The following SMG6 variants were observed in gnomAD, a reference collection of about 807,000 sequenced individuals.
SMG6 encodes SMG6 nonsense mediated mRNA decay factor.
A neutral mutation model predicts 142.2 loss-of-function variants in SMG6; 66 were observed. The observed-to-expected ratio is 0.46, with a 90% CI of 0.38 to 0.57. The LOEUF is 0.57. SMG6 is among the 20% of genes least tolerant of loss of function. The pLI, the probability that SMG6 is intolerant of heterozygous loss-of-function variation, is 0.00. For synonymous variants in SMG6, 779 were observed against 702.4 expected (o/e 1.11, Z -1.72); for missense variants, 1,793 against 1,832.0 (o/e 0.98, Z 0.39).
At chr17:2,148,680 A>G (rs959301914) in intron 13 of SMG6, among the ~76,000 whole-genome samples, 13 of 151,996 alleles carry the variant, frequency 8.6e-5, no homozygotes, top group African/African-American at 3.1e-4. Flanking sequence ...ACAACATGCC[A>G]AGACTCCGTC....
In SMG6 at chr17:2,283,630, G is replaced by A. The variant is rs747600622; in HGVS notation, c.2443C>T (p.Arg815Trp). The A allele has an allele frequency of 2.0e-5, 32 of 1,613,264 alleles. No individual in the cohort carries two copies. Among genetic ancestry groups the A allele is most frequent in the East Asian group, 4.5e-5 (2 of 44,878 alleles). Residue 815 changes from arginine (R) to tryptophan (W), a missense_variant, in exon 7 of 19, where the codon CGG (arginine) becomes TGG (tryptophan). Arg to Trp is a moderately radical substitution (Grantham distance 101, BLOSUM62 -3). This residue lies in a region of SMG6 where 1,597 missense variants were observed against 1,584.6 expected (regional missense o/e 1.01). Coordinates refer to ENST00000263073, the MANE Select transcript of SMG6 (RefSeq NM_017575.5). ...SLMSLFEETK[R>W]KAEQMEKKQH... Reference sequence around the variant, plus strand: ...TCTGCCACATCCCCACTCACCTTCCGCTTGGTCTCTTCAAACAAGCTCATG... The same window carrying A: ...TCTGCCACATCCCCACTCACCTTCCACTTGGTCTCTTCAAACAAGCTCATG...
chr17:2,187,369 T>A (rs2072021936), intron 11 of SMG6, among the ~76,000 whole-genome samples: 1 of 152,306 alleles, frequency 6.6e-6, no homozygotes, highest in South Asian at 2.1e-4. Context: ...AACAACTTTT[T>A]TTTCCCCTTG....
At chr17:2,096,900 A>G (rs1420720245) in intron 13 of SMG6, among the ~76,000 whole-genome samples, 1 of 152,148 alleles carries the variant, frequency 6.6e-6, no homozygotes, top group Non-Finnish European at 1.5e-5. Flanking sequence ...CTAGGCCTAC[A>G]CTTCATTCAT....
chr17:2,193,604 A>T (rs2072231247), intron 10 of SMG6, among the ~76,000 whole-genome samples: 2 of 152,196 alleles, frequency 1.3e-5, no homozygotes, highest in African/African-American at 4.8e-5. Flanking sequence ...ATTAATTCCG[A>T]AAACACTTGA....
intron 13 of SMG6, among the ~76,000 whole-genome samples, chr17:2,171,642 G>A (rs922597056): frequency 1.3e-5 from 2 of 151,912 alleles, no homozygotes; most frequent in Non-Finnish European, 1.5e-5. Context: ...TCAAAGTGCT[G>A]GGATTAAAGG....
At chr17:2,149,576 C>G (rs113032410) in intron 13 of SMG6, among the ~76,000 whole-genome samples, 11 of 152,256 alleles carry the variant, frequency 7.2e-5, no homozygotes, top group African/African-American at 2.4e-4. Context: ...AGGGCTGTCC[C>G]GTGACCCCCA....
chr17:2,269,891 T>TA (rs2074509241), intron 8 of SMG6, among the ~76,000 whole-genome samples: 1 of 152,140 alleles, frequency 6.6e-6, no homozygotes. Context: ...AGGCCAGGCA[T>TA]GGTGGCTCAC....
At chr17:2,283,824 T>G in intron 6 of SMG6, 89 bp from the exon 7 acceptor site, 1 of 910,332 alleles carries the variant, frequency 1.1e-6, no homozygotes, top group Non-Finnish European at 1.8e-6. Context: ...CTACTATCTC[T>G]CCCAGCCTGT....
At chr17:2,201,582 C>T (rs1367202562) in intron 10 of SMG6, among the ~76,000 whole-genome samples, 3 of 149,528 alleles carry the variant, frequency 2.0e-5, no homozygotes, top group South Asian at 2.1e-4. Flanking sequence ...ATGCCAACTA[C>T]GCAGGAGAAT....
At chr17:2,111,690 T>C (rs3760231) in intron 13 of SMG6, among the ~76,000 whole-genome samples, 47,090 of 152,056 alleles carry the variant, frequency 0.31, 8,966 homozygotes, top group African/African-American at 0.54. Context: ...AGGCATGAGC[T>C]ACTGTGCCTG....
At position 2,085,249 on chromosome 17, in the gene SMG6, C is replaced by A. The variant is rs1050424974; in HGVS notation, c.3534+476G>T. 5.4e-4 allele frequency among the ~76,000 whole-genome samples: 79 copies of A among 144,968 alleles called. 1 individual carries two copies. The highest frequency in any genetic ancestry group is 2.5e-4 in the Non-Finnish European group (17 of 67,168). ...CAAGAGGAGAATTCCTTAATCACATCAGGATGTGCAGGAGGGAGGGAGGGA... is the reference window on the plus strand; with the variant it reads ...CAAGAGGAGAATTCCTTAATCACATAAGGATGTGCAGGAGGGAGGGAGGGA... On this transcript the variant is annotated intron_variant, in intron 14 of 18. Coordinates refer to ENST00000263073, the MANE Select transcript of SMG6 (RefSeq NM_017575.5). The surrounding 1 kb of genome is among the most constrained non-coding windows in gnomAD (Gnocchi z 4.1).
chr17:2,126,175 A>G (rs960196271), intron 13 of SMG6, among the ~76,000 whole-genome samples: 2 of 152,192 alleles, frequency 1.3e-5, no homozygotes, highest in African/African-American at 2.4e-5. Context: ...AAGGGTGTCA[A>G]GACCAATTCC....
chr17:2,203,406 TG>T (rs1476622593), intron 10 of SMG6, among the ~76,000 whole-genome samples: 3 of 152,330 alleles, frequency 2.0e-5, no homozygotes, highest in East Asian at 3.9e-4. Flanking sequence ...GCATCTCATT[TG>T]GAAGAGTTAC....
At chr17:2,107,081 C>T (rs1047477526) in intron 13 of SMG6, among the ~76,000 whole-genome samples, 1 of 152,104 alleles carries the variant, frequency 6.6e-6, no homozygotes, top group African/African-American at 2.4e-5. Flanking sequence ...GTCTTGAACT[C>T]CTGACCTCAG....
chr17:2,165,570 T>C (rs2071311464), intron 13 of SMG6, among the ~76,000 whole-genome samples: 1 of 152,224 alleles, frequency 6.6e-6, no homozygotes, highest in African/African-American at 2.4e-5. Context: ...TAGAGTCTTT[T>C]GTATTTCAGA....
chr17:2,273,034 G>C (rs2074572420), intron 8 of SMG6, among the ~76,000 whole-genome samples: 1 of 152,142 alleles, frequency 6.6e-6, no homozygotes, highest in East Asian at 1.9e-4. Context: ...ACTGTGCTTG[G>C]GGAGTGTGCC....
rs2068531845 is a variant in SMG6 at position 2,085,401 on chromosome 17, T to C, written c.3534+324A>G. On this transcript the variant is annotated intron_variant, in intron 14 of 18. Coordinates refer to ENST00000263073, the MANE Select transcript of SMG6 (RefSeq NM_017575.5). The surrounding 1 kb of genome is among the most constrained non-coding windows in gnomAD (Gnocchi z 4.1). ...TGCTGCATTGGGCTCCACACATCTA[T>C]AAACTTGATCCTGACCACCCCCCTC... Among the ~76,000 whole-genome samples the C allele has an allele frequency of 1.3e-5, 2 of 152,288 alleles. No homozygotes were observed. The highest frequency in any genetic ancestry group is 4.1e-4 in the South Asian group (2 of 4,824).
intron 13 of SMG6, chr17:2,087,874 T>C: frequency 1.0e-6 from 1 of 985,884 alleles, no homozygotes; most frequent in Non-Finnish European, 1.2e-6. Flanking sequence ...GGTCTAATTT[T>C]AACCACCTTG....
chr17:2,212,670 C>G (rs1024123648), intron 10 of SMG6: 1 of 152,258 alleles, frequency 6.6e-6, no homozygotes. Context: ...AGGCATCAAC[C>G]GGGGATGTCT....
Sources: gnomAD v4.1 joint callset for allele counts (sites outside exome capture counted in the v4.1 genomes callset) on GRCh38, gnomAD v4.1.1 for gene constraint, gnomAD v4.1.1 regional missense constraint, Gnocchi (gnomAD v3.1) non-coding constraint, MANE v1.5 for transcripts, NCBI Gene and HGNC (gene_info 2026-07-23, HGNC 2026-07-21) for gene names.